CALD1: variants seen among roughly 807,000 people sequenced by gnomAD.
The protein encoded by CALD1 is caldesmon 1.
A neutral mutation model predicts 99.9 loss-of-function variants in CALD1; 33 were observed. The ratio of observed to expected loss-of-function variants is 0.33; its 90% CI spans 0.25 to 0.44. The LOEUF (loss-of-function observed/expected upper bound fraction) is 0.44. Among genes scored for constraint, CALD1 ranks in the 20% least tolerant of loss-of-function variants. The pLI is 1.00. For synonymous variants in CALD1, 310 were observed against 325.0 expected (o/e 0.95, Z 0.50); for missense variants, 861 against 962.1 (o/e 0.89, Z 1.39).
intron 1 of CALD1, among the ~76,000 whole-genome samples, chr7:134,752,807 C>T (rs1399808445): frequency 6.6e-6 from 1 of 151,956 alleles, no homozygotes; most frequent in Admixed American, 6.6e-5. Flanking sequence ...TCGAGACCAG[C>T]CTGGCCAACA....
In CALD1 at chr7:134,905,789, C is replaced by G. The variant is rs554237064; in HGVS notation, c.72-22965C>G. ...CCCTAAAAAGAAGTCATGAGTGTAC[C>G]TCTTTCCCCAGCAGGAGACATGGAC... On this transcript the variant is annotated intron_variant, in intron 3 of 14. Coordinates refer to ENST00000361675, the MANE Select transcript of CALD1 (RefSeq NM_033138.4). Among the ~76,000 whole-genome samples the G allele has an allele frequency of 7.9e-5, 12 of 152,166 alleles. 2 individuals are homozygous for G. In the South Asian group the frequency reaches 2.1e-3, roughly 26 times the overall value.
chr7:134,857,158 CTTTTTTTTTTTTTTT>C (rs59210460), intron 2 of CALD1, among the ~76,000 whole-genome samples: 36 of 75,370 alleles, frequency 4.8e-4, no homozygotes, highest in Middle Eastern at 9.6e-3. Context: ...TTGCGCTATT[CTTTTTTTTTTTTTTT>C]TTTTTTTTTT....
At chr7:134,815,160 C>G (rs192057210) in intron 1 of CALD1, among the ~76,000 whole-genome samples, 26 of 152,216 alleles carry the variant, frequency 1.7e-4, no homozygotes, top group African/African-American at 6.0e-4. Flanking sequence ...ACAAGTGATG[C>G]CAAGGATTGC....
At chr7:134,874,540 C>T (rs747641974) in intron 3 of CALD1, among the ~76,000 whole-genome samples, 5 of 152,244 alleles carry the variant, frequency 3.3e-5, no homozygotes, top group Non-Finnish European at 7.4e-5. Flanking sequence ...CATACTTGGC[C>T]GACACCGGGC....
At chr7:134,755,365 A>G (rs1384866901) in intron 1 of CALD1, among the ~76,000 whole-genome samples, 1 of 151,948 alleles carries the variant, frequency 6.6e-6, no homozygotes, top group Non-Finnish European at 1.5e-5. Flanking sequence ...ATTTTTTTTC[A>G]TTACTGGCGT....
At chr7:134,714,341 G>A in the CALD1 span, among the ~76,000 whole-genome samples, 4 of 152,172 alleles carry the variant, frequency 2.6e-5, no homozygotes, top group African/African-American at 4.8e-5. Context: ...CCATATTGTA[G>A]ATAGATCCCA....
At chr7:134,831,477 C>T (rs751529158) in intron 1 of CALD1, among the ~76,000 whole-genome samples, 7 of 152,018 alleles carry the variant, frequency 4.6e-5, no homozygotes, top group Non-Finnish European at 1.0e-4. Flanking sequence ...CACCACAACG[C>T]CTGGCTAATT....
intron 9 of CALD1, among the ~76,000 whole-genome samples, chr7:134,952,533 C>T (rs1262168210): frequency 6.6e-6 from 1 of 150,778 alleles, no homozygotes; most frequent in Non-Finnish European, 1.5e-5. Flanking sequence ...TGCAGTGGCA[C>T]CATCTTGGCT....
intron 2 of CALD1, among the ~76,000 whole-genome samples, chr7:134,845,427 AG>A (rs1026069492): frequency 2.0e-5 from 3 of 152,224 alleles, no homozygotes; most frequent in African/African-American, 7.2e-5. Flanking sequence ...AAATAAGTTA[AG>A]GCTGAGGAGA....
rs189225425 is a variant in CALD1, at chr7:134,901,135, T to C, written c.72-27619T>C. Among the ~76,000 whole-genome samples the C allele has an allele frequency of 5.4e-3, 813 of 151,892 alleles. 1 individual carries two copies. Among genetic ancestry groups the C allele is most frequent in the Non-Finnish European group, 8.3e-3 (565 of 67,958 alleles). On this transcript the variant is annotated intron_variant, in intron 3 of 14. Transcript: ENST00000361675. ...TTTTCCTGGTGGGCCTAAGCCAGATTCAGTGCCAAGAGGGAGGTAGGGAGA... is the reference window on the plus strand; with the variant it reads ...TTTTCCTGGTGGGCCTAAGCCAGATCCAGTGCCAAGAGGGAGGTAGGGAGA...
At chr7:134,918,579 T>C (rs1202811009) in intron 3 of CALD1, among the ~76,000 whole-genome samples, 1 of 152,226 alleles carries the variant, frequency 6.6e-6, no homozygotes, top group Non-Finnish European at 1.5e-5. Context: ...CTGGTGCTTA[T>C]TTGGAGGCAT....
intron 3 of CALD1, among the ~76,000 whole-genome samples, chr7:134,901,275 C>T (rs1449690171): frequency 6.6e-6 from 1 of 151,724 alleles, no homozygotes; most frequent in Non-Finnish European, 1.5e-5. Flanking sequence ...AACTTGAATC[C>T]AAATCCTAGT....
chr7:134,947,775 G>A lies in CALD1; in HGVS notation c.1794+6G>A, dbSNP rs780037792. ...ATCGAAAACTCAGAGAGGAGGTAAG[G>A]CGGGCGCTAGCCCACTGAGAACGTT... On this transcript the variant is annotated splice_donor_region_variant and intron_variant, in intron 8 of 14. Transcript: ENST00000361675. The A allele has an allele frequency of 3.1e-6, 5 of 1,612,388 alleles. No homozygotes were observed. The South Asian group carries it at 5.5e-5, about 18-fold the overall frequency.
At chr7:134,797,781 G>T (rs951784225) in intron 1 of CALD1, among the ~76,000 whole-genome samples, 1 of 152,022 alleles carries the variant, frequency 6.6e-6, no homozygotes, top group Admixed American at 6.6e-5. Flanking sequence ...TAGTAGAGAC[G>T]GGGTTTCACC....
rs1808945190 is a variant in CALD1, at chr7:134,970,113, A to T, written c.*1768A>T. 6.6e-6 allele frequency: 1 copy of T among 152,284 alleles called. No individual in the cohort carries two copies. The highest frequency in any genetic ancestry group is 1.5e-5 in the Non-Finnish European group (1 of 68,060). 9.4% of individuals were successfully genotyped at this position (152,284 alleles called of 1,614,324 possible). On this transcript the variant is annotated 3_prime_UTR_variant, in exon 15 of 15. Transcript: ENST00000361675. ...AACCTAAGCCAAAGGAAGGAAAGCC[A>T]TGAAGAATGCAGAAGTCAAACCCTC...
chr7:134,841,676 C>T (rs1240991273), intron 1 of CALD1, among the ~76,000 whole-genome samples: 1 of 152,240 alleles, frequency 6.6e-6, no homozygotes, highest in Non-Finnish European at 1.5e-5. Context: ...TTGGCACTTT[C>T]ATCTCTGGGC....
At chr7:134,816,748 A>G (rs1428711963) in intron 1 of CALD1, among the ~76,000 whole-genome samples, 1 of 152,200 alleles carries the variant, frequency 6.6e-6, no homozygotes, top group Non-Finnish European at 1.5e-5. Context: ...AATGTATTCA[A>G]ATAGACACTG....
At chr7:134,806,638 C>G (rs1291487269) in intron 1 of CALD1, among the ~76,000 whole-genome samples, 2 of 152,122 alleles carry the variant, frequency 1.3e-5, no homozygotes, top group Non-Finnish European at 2.9e-5. Flanking sequence ...CTGCTTAGTC[C>G]ATATTGACCA....
At position 134,761,855 on chromosome 7, in the gene CALD1, GTATTAT is replaced by G. The variant is rs543710060; in HGVS notation, c.-130+17503_-130+17508del. On this transcript the variant is annotated intron_variant, in intron 1 of 13. Coordinates refer to the CALD1 transcript ENST00000417172. ...TGCCAATAGACATTTACCATTATTT[GTATTAT>G]TATTATTATTTTTGAAATATTTGCA... Among the ~76,000 whole-genome samples the G allele has an allele frequency of 5.6e-4, 86 of 152,228 alleles. 1 individual carries two copies. Among genetic ancestry groups the G allele is most frequent in the African/African-American group, 1.8e-3 (76 of 41,536 alleles).
Sources: allele counts gnomAD v4.1 joint callset (sites outside exome capture counted in the v4.1 genomes callset), GRCh38; gene constraint gnomAD v4.1.1; transcripts MANE v1.5; gene names NCBI Gene and HGNC (gene_info 2026-07-23, HGNC 2026-07-21).